KRI1: variants seen among roughly 807,000 people sequenced by gnomAD.
KRI1 encodes the protein protein KRI1 homolog.
A neutral mutation model predicts 97.0 loss-of-function variants in KRI1; 83 were observed. The observed-to-expected ratio is 0.86, with a 90% CI of 0.72 to 1.03. The LOEUF is 1.03. Ranked by LOEUF, KRI1 falls within the 50% of genes least tolerant of loss-of-function variation. The pLI is 0.00. For synonymous variants in KRI1, 371 were observed against 363.5 expected (o/e 1.02, Z -0.23); for missense variants, 916 against 928.4 (o/e 0.99, Z 0.17).
At chr19:10,565,532 C>T (rs1014150997) in intron 2 of KRI1, 185 bp downstream of exon 2, 10 of 692,626 alleles carry the variant, frequency 1.4e-5, no homozygotes, top group Admixed American at 1.1e-4. Flanking sequence ...GAGAAAATAA[C>T]GGGGATTTGG....
intron 2 of KRI1, 43 bp downstream of exon 2, chr19:10,565,674 C>A (rs1469706289): frequency 6.5e-7 from 1 of 1,533,716 alleles, no homozygotes; most frequent in Non-Finnish European, 8.8e-7. Context: ...CAGAGGGGGG[C>A]TTGGACGCCT....
chr19:10,564,828 G>A, intron 3 of KRI1, 101 bp downstream of exon 3: 1 of 790,340 alleles, frequency 1.3e-6, no homozygotes, highest in Non-Finnish European at 2.3e-6. Context: ...CAGGAAAAGA[G>A]GCTCAGAGAA....
intron 18 of KRI1, 111 bp downstream of exon 18, chr19:10,554,976 G>T: frequency 1.2e-6 from 1 of 829,332 alleles, no homozygotes; most frequent in Non-Finnish European, 1.9e-6. Context: ...AGGTCTCAGA[G>T]CGGGGGGCGC....
At chr19:10,564,232 G>A (rs1190647524) in intron 3 of KRI1, among the ~76,000 whole-genome samples, 2 of 151,874 alleles carry the variant, frequency 1.3e-5, no homozygotes, top group East Asian at 1.9e-4. Flanking sequence ...AGGCCAGGGT[G>A]GGCGGATCAC....
chr19:10,565,242 G>A (rs1372813281), intron 2 of KRI1: 4 of 591,904 alleles, frequency 6.8e-6, no homozygotes, highest in Non-Finnish European at 1.2e-5. Context: ...ATGGGTAGAG[G>A]AAGGTGAGGG....
chr19:10,564,924 C>CG lies in KRI1; in HGVS notation c.274+4dup. On this transcript the variant is annotated splice_donor_region_variant and intron_variant, in intron 3 of 18. Coordinates refer to ENST00000312962, the MANE Select transcript of KRI1 (RefSeq NM_023008.5). ...GGAGAGGTTTAGACAGGAGTGGCCC[C>CG]GGACCTGTTCTGTTATAGAAGGTGG... The CG allele has an allele frequency of 6.3e-7, 1 of 1,584,476 alleles. No homozygotes were observed. The highest frequency in any genetic ancestry group is 8.7e-7 in the Non-Finnish European group (1 of 1,153,134).
In KRI1 at chr19:10,559,554, A is replaced by C. The variant is rs1309710530; in HGVS notation, c.1024-25T>G. The C allele has an allele frequency of 2.5e-6, 4 of 1,613,140 alleles. No homozygotes were observed. In the East Asian group the frequency reaches 8.9e-5, roughly 36 times the overall value. On this transcript the variant is annotated intron_variant, in intron 11 of 18. Coordinates refer to ENST00000312962, the MANE Select transcript of KRI1 (RefSeq NM_023008.5). ...CCTGCAGGCCCAGGCAGAGAGGGGG[A>C]GGGCATGGGCTTTCCTCCAGGGCTG...
chr19:10,563,863 G>A (rs987978882), intron 3 of KRI1, among the ~76,000 whole-genome samples: 2 of 152,022 alleles, frequency 1.3e-5, no homozygotes, highest in Non-Finnish European at 2.9e-5. Context: ...GGGTCTTGCC[G>A]CCAGGCACAG....
At chr19:10,554,379 T>C (rs940837892) in intron 18 of KRI1, 98 bp from the exon 19 acceptor site, 5 of 1,081,970 alleles carry the variant, frequency 4.6e-6, no homozygotes, top group African/African-American at 1.6e-5. Context: ...AGGAGGGGCA[T>C]AGTGAAGCAG....
Position 10,553,177 on chromosome 19 carries a change from CCCT to C in KRI1, c.*771_*773del. 1 of 1,340,870 alleles carries C rather than the reference CCCT, an allele frequency of 7.5e-7. No homozygotes were observed. The highest frequency in any genetic ancestry group is 1.0e-6 in the Non-Finnish European group (1 of 1,004,792). 83.1% of individuals were successfully genotyped at this position (1,340,870 alleles called of 1,614,324 possible). A position where few individuals can be genotyped will look rare whatever the true frequency, so the allele number is the denominator to read the frequency against. On this transcript the variant is annotated 3_prime_UTR_variant, in exon 19 of 19. Transcript: ENST00000312962. The stretch of plus-strand genomic sequence containing the variant: ...GATGATGGTACTTCCTGTTGTCAGC[CCCT>C]CAAGCCCAGCTGCAACCAGTCTGGG...
intron 8 of KRI1, among the ~76,000 whole-genome samples, chr19:10,560,734 T>A (rs1402032123): frequency 6.6e-6 from 1 of 152,142 alleles, no homozygotes; most frequent in African/African-American, 2.4e-5. Flanking sequence ...CCTGGCTAAT[T>A]TTTTCATTTT....
At position 10,556,993 on chromosome 19, in the gene KRI1, G is replaced by GT. The variant is rs369673701; in HGVS notation, c.1617+558dup. Among the ~76,000 whole-genome samples, 1,074 of 152,048 alleles carry GT rather than the reference G, an allele frequency of 7.1e-3. 7 individuals carry two copies. The highest frequency in any genetic ancestry group is 0.013 in the Non-Finnish European group (890 of 67,972). On this transcript the variant is annotated intron_variant, in intron 16 of 18. Transcript: ENST00000312962. ...CGAGACTATGTCTCAAAAAAAAGAA[G>GT]TAATATTTACGGGGCGTGCCATAGG...
At chr19:10,555,422 T>A (rs896732648) in intron 16 of KRI1, 73 bp from the exon 17 acceptor site, 2 of 1,524,878 alleles carry the variant, frequency 1.3e-6, no homozygotes, top group African/African-American at 1.4e-5. Flanking sequence ...CTAAGTCATG[T>A]CATTAGTCAA....
In KRI1 at chr19:10,562,804, G is replaced by C. The variant is rs746593460; in HGVS notation, c.308C>G (p.Ala103Gly). 34 of 1,612,736 alleles carry C rather than the reference G, an allele frequency of 2.1e-5. No individual in the cohort carries two copies. The highest frequency in any genetic ancestry group is 1.6e-4 in the East Asian group (7 of 44,860). The change falls in exon 4 of 19, where the codon GCC becomes GGC. Residue 103 changes from alanine to glycine, a missense_variant. Physicochemically the swap from Ala to Gly is moderately conservative, Grantham distance 60. Transcript: ENST00000312962. ...SSSDSEEDPE[A>G]LEKQKKVRPM... ...CCGCACTTTCTTCTGCTTCTCCAAGGCTTCTGGGTCCTCCTCACTGTCTGA... is the reference window on the plus strand; with the variant it reads ...CCGCACTTTCTTCTGCTTCTCCAAGCCTTCTGGGTCCTCCTCACTGTCTGA...
In KRI1 at chr19:10,564,910, G is replaced by C. The variant is rs1433845889; in HGVS notation, c.274+19C>G. On this transcript the variant is annotated intron_variant, in intron 3 of 18. Transcript: ENST00000312962. ...CTGCTCCAGAGGAAGGAGAGGTTTA[G>C]ACAGGAGTGGCCCCGGACCTGTTCT... 1 of 1,492,802 alleles carries C rather than the reference G, an allele frequency of 6.7e-7. No homozygotes were observed. Among genetic ancestry groups the C allele is most frequent in the Non-Finnish European group, 9.3e-7 (1 of 1,069,700 alleles). 92.5% of individuals were successfully genotyped at this position (1,492,802 alleles called of 1,614,324 possible). A position where few individuals can be genotyped will look rare whatever the true frequency, so the allele number is the denominator to read the frequency against.
At chr19:10,563,081 A>G (rs1916748580) in intron 3 of KRI1, among the ~76,000 whole-genome samples, 1 of 151,490 alleles carries the variant, frequency 6.6e-6, no homozygotes, top group South Asian at 2.1e-4. Context: ...TTTGAGGTGG[A>G]GTCTCATTCT....
At chr19:10,564,523 C>A (rs1419643564) in intron 3 of KRI1, among the ~76,000 whole-genome samples, 1 of 152,028 alleles carries the variant, frequency 6.6e-6, no homozygotes, top group Non-Finnish European at 1.5e-5. Flanking sequence ...AACTCCTGGC[C>A]TCAATTGACC....
At chr19:10,556,038 G>C (rs1330845126) in intron 16 of KRI1, among the ~76,000 whole-genome samples, 1 of 152,162 alleles carries the variant, frequency 6.6e-6, no homozygotes, top group Admixed American at 6.6e-5. Context: ...AGCCAAGCCA[G>C]GGCTTGAACC....
Position 10,558,295 on chromosome 19 carries a change from C to T in KRI1, c.1195-56G>A. On this transcript the variant is annotated intron_variant, in intron 12 of 18. Transcript: ENST00000312962. ...CCCACTCGAGACATAGGAGCTGAGC[C>T]CCCTACGATGCCGCCAATGACCCCC... 3.2e-6 allele frequency: 5 copies of T among 1,550,890 alleles called. No homozygotes were observed. The South Asian group carries it at 5.6e-5, about 17-fold the overall frequency.
Sources: gnomAD v4.1 joint callset for allele counts (sites outside exome capture counted in the v4.1 genomes callset) on GRCh38, gnomAD v4.1.1 for gene constraint, MANE v1.5 for transcripts, NCBI Gene and HGNC (gene_info 2026-07-23, HGNC 2026-07-21) for gene names.